COL19A1: variants seen among roughly 807,000 people sequenced by gnomAD.
The protein encoded by COL19A1 is collagen type XIX alpha 1 chain, also known as collagen alpha-1(XIX) chain.
Under a neutral mutation model 190.2 loss-of-function variants are expected in COL19A1, and 159 were observed. The observed-to-expected ratio is 0.84, with a 90% CI of 0.73 to 0.95. The LOEUF is 0.95. Ranked by LOEUF, COL19A1 falls within the 40% of genes least tolerant of loss-of-function variation. The pLI is 0.00. For missense variants in COL19A1, 1,418 were observed against 1,431.9 expected (o/e 0.99, Z 0.16); for synonymous variants, 509 against 458.9 (o/e 1.11, Z -1.39).
chr6:70,019,097 A>C (rs75322589), intron 11 of COL19A1, among the ~76,000 whole-genome samples: 1,875 of 152,262 alleles, frequency 0.012, 39 homozygotes, highest in East Asian at 0.086. Flanking sequence ...CATATGGTAG[A>C]AGATGAAATT....
intron 36 of COL19A1, among the ~76,000 whole-genome samples, chr6:70,165,673 T>G (rs1026302456): frequency 6.6e-6 from 1 of 151,674 alleles, no homozygotes; most frequent in East Asian, 1.9e-4. Context: ...ACCTGGGTTG[T>G]CTGGCTCCAT....
chr6:69,920,484 C>G (rs1222666046), intron 4 of COL19A1, among the ~76,000 whole-genome samples: 2 of 152,148 alleles, frequency 1.3e-5, no homozygotes, highest in African/African-American at 4.8e-5. Flanking sequence ...CAGAGATACT[C>G]CAGATTACAT....
chr6:69,952,532 T>C (rs1204032029), intron 9 of COL19A1, among the ~76,000 whole-genome samples: 1 of 151,938 alleles, frequency 6.6e-6, no homozygotes, highest in Admixed American at 6.6e-5. Flanking sequence ...GCTGTATATA[T>C]TAAAGCACTT....
chr6:70,158,608 C>T (rs1787585121), intron 34 of COL19A1, among the ~76,000 whole-genome samples: 1 of 152,110 alleles, frequency 6.6e-6, no homozygotes, highest in Non-Finnish European at 1.5e-5. Context: ...AGAACACATG[C>T]TAACCTTTGA....
At chr6:70,007,548 T>C (rs965422527) in intron 11 of COL19A1, among the ~76,000 whole-genome samples, 1 of 151,998 alleles carries the variant, frequency 6.6e-6, no homozygotes, top group African/African-American at 2.4e-5. Context: ...TTATTGTGTA[T>C]GTACCTAACA....
At chr6:70,187,738 A>G (rs1396763825) in intron 46 of COL19A1, among the ~76,000 whole-genome samples, 1 of 152,046 alleles carries the variant, frequency 6.6e-6, no homozygotes, top group Admixed American at 6.6e-5. Flanking sequence ...ACCTCAAGTG[A>G]CAGCTGGTAT....
At chr6:70,144,864 C>A (rs775614417) in intron 24 of COL19A1, 54 bp from the exon 25 acceptor site, 1 of 1,159,648 alleles carries the variant, frequency 8.6e-7, no homozygotes, top group Non-Finnish European at 1.3e-6. Flanking sequence ...TACCTCCTCA[C>A]TTCCCACCAT....
In COL19A1 at chr6:70,149,696, G is replaced by A. The variant is rs763339466; in HGVS notation, c.1894-8G>A. 6.2e-7 allele frequency: 1 copy of A among 1,613,310 alleles called. No individual in the cohort carries two copies. Among genetic ancestry groups the A allele is most frequent in the South Asian group, 1.1e-5 (1 of 91,044 alleles). On this transcript the variant is annotated splice_polypyrimidine_tract_variant and splice_region_variant and intron_variant, in intron 27 of 50. Coordinates refer to ENST00000620364, the MANE Select transcript of COL19A1 (RefSeq NM_001858.6). The stretch of plus-strand genomic sequence containing the variant: ...GAATTTTAATAATAAAATCTCATTT[G>A]TACTCAGGGCGCCCAAGGACCAGCT...
At chr6:70,003,748 A>G (rs567041472) in intron 11 of COL19A1, among the ~76,000 whole-genome samples, 1 of 151,778 alleles carries the variant, frequency 6.6e-6, no homozygotes, top group East Asian at 1.9e-4. Flanking sequence ...CCATCACTTT[A>G]TTTTGAGCCT....
intron 16 of COL19A1, among the ~76,000 whole-genome samples, chr6:70,117,978 G>C (rs1192144619): frequency 6.6e-6 from 1 of 152,130 alleles, no homozygotes; most frequent in Non-Finnish European, 1.5e-5. Flanking sequence ...ACTGGACCTG[G>C]GTCATCTAAG....
intron 15 of COL19A1, among the ~76,000 whole-genome samples, chr6:70,100,103 A>G (rs866146857): frequency 1.3e-5 from 2 of 152,180 alleles, no homozygotes; most frequent in Non-Finnish European, 2.9e-5. Context: ...ATCAATATAC[A>G]TGACTCCTTT....
intron 12 of COL19A1, among the ~76,000 whole-genome samples, chr6:70,030,846 C>T (rs922492886): frequency 6.6e-6 from 1 of 152,144 alleles, no homozygotes; most frequent in Admixed American, 6.5e-5. Flanking sequence ...CAACTCTGAC[C>T]ACTTCTCATC....
intron 18 of COL19A1, among the ~76,000 whole-genome samples, chr6:70,133,820 A>G (rs1785666516): frequency 6.6e-6 from 1 of 152,224 alleles, no homozygotes; most frequent in South Asian, 2.1e-4. Context: ...GTTCAGGTAG[A>G]AAATGCTTTT....
intron 15 of COL19A1, among the ~76,000 whole-genome samples, chr6:70,089,244 T>C (rs1336135771): frequency 6.6e-6 from 1 of 152,200 alleles, no homozygotes; most frequent in East Asian, 1.9e-4. Context: ...CTTAAATGTA[T>C]AGTTTTTTCT....
intron 16 of COL19A1, among the ~76,000 whole-genome samples, chr6:70,104,513 C>A (rs1783832311): frequency 6.6e-6 from 1 of 152,152 alleles, no homozygotes. Context: ...CCAATCACCT[C>A]CCACCAGGTT....
At chr6:70,000,637 C>T (rs186525454) in intron 11 of COL19A1, among the ~76,000 whole-genome samples, 3 of 152,272 alleles carry the variant, frequency 2.0e-5, no homozygotes, top group Non-Finnish European at 2.9e-5. Context: ...GAGCTTTTTT[C>T]GTATGTTTGT....
intron 14 of COL19A1, among the ~76,000 whole-genome samples, chr6:70,065,212 A>G (rs532430859): frequency 6.6e-6 from 1 of 152,194 alleles, no homozygotes; most frequent in Non-Finnish European, 1.5e-5. Flanking sequence ...AGACTCTACT[A>G]CAAGGCTACA....
intron 34 of COL19A1, among the ~76,000 whole-genome samples, chr6:70,160,143 A>G (rs1787703438): frequency 6.6e-6 from 1 of 152,072 alleles, no homozygotes; most frequent in South Asian, 2.1e-4. Flanking sequence ...GAGACTGGGT[A>G]ATTTATAAAA....
chr6:69,957,370 C>T (rs1194331320), intron 9 of COL19A1, among the ~76,000 whole-genome samples: 1 of 152,006 alleles, frequency 6.6e-6, no homozygotes, highest in East Asian at 1.9e-4. Context: ...GGAAAGGGTA[C>T]TTTTTGATTG....
Sources: allele counts gnomAD v4.1 joint callset (sites outside exome capture counted in the v4.1 genomes callset), GRCh38; gene constraint gnomAD v4.1.1; transcripts MANE v1.5; gene names NCBI Gene and HGNC (gene_info 2026-07-23, HGNC 2026-07-21).